SLC2A11: variants seen among roughly 807,000 people sequenced by gnomAD.
SLC2A11 encodes solute carrier family 2 member 11.
In SLC2A11, 43 loss-of-function variants were observed where a neutral mutation model predicts 52.1. That is an observed-to-expected ratio of 0.82 (90% CI 0.65 to 1.06). The LOEUF is 1.06. Among genes scored for constraint, SLC2A11 ranks in the 50% least tolerant of loss-of-function variants. SLC2A11 has a pLI of 0.00. For synonymous variants in SLC2A11, 261 were observed against 277.6 expected, an observed-to-expected ratio of 0.94 and a Z score of 0.59; for missense variants, 582 against 654.2, an observed-to-expected ratio of 0.89 and a Z score of 1.20.
chr22:23,867,126 C>T (rs770792655), intron 2 of SLC2A11: 1 of 152,268 alleles, frequency 6.6e-6, no homozygotes, highest in East Asian at 1.9e-4. Context: ...GTGGATTCCT[C>T]GGGTATGGTA....
chr22:23,858,257 A>G, intron 1 of SLC2A11: 1 of 699,434 alleles, frequency 1.4e-6, no homozygotes, highest in Non-Finnish European at 2.6e-6. Context: ...GGACCCTGGC[A>G]TCCCAGCCCC....
chr22:23,873,648 T>C (rs1568991176), intron 3 of SLC2A11, among the ~76,000 whole-genome samples: 1 of 152,132 alleles, frequency 6.6e-6, no homozygotes, highest in African/African-American at 2.4e-5. Context: ...GGTATATGAC[T>C]GTTCCAGCAA....
chr22:23,885,247 C>G lies in SLC2A11; in HGVS notation c.*398C>G, dbSNP rs898544241. 3.3e-6 allele frequency: 1 copy of G among 306,474 alleles called. No individual in the cohort carries two copies. Among genetic ancestry groups the G allele is most frequent in the African/African-American group, 2.2e-5 (1 of 46,372 alleles). The allele number at this position is 306,474 out of a possible 1,614,324, so 19.0% of individuals were successfully genotyped here. On this transcript the variant is annotated 3_prime_UTR_variant, in exon 12 of 12. Coordinates refer to ENST00000316185, the MANE Select transcript of SLC2A11 (RefSeq NM_001024939.4). ...GTATGTGCTAACAGCTCTAGCTACT[C>G]AGGAGGCTGAGGCAGCAGGATCACT...
chr22:23,870,415 T>A, intron 3 of SLC2A11: 1 of 219,226 alleles, frequency 4.6e-6, no homozygotes, highest in Middle Eastern at 1.6e-3. Context: ...GGGTTGGTTG[T>A]GTAGGGGAAC....
intron 7 of SLC2A11, 38 bp downstream of exon 7, chr22:23,882,684 G>C: frequency 6.2e-7 from 1 of 1,607,020 alleles, no homozygotes; most frequent in South Asian, 1.1e-5. Flanking sequence ...TGGGCCCCGG[G>C]GGCTTGGTGT....
At position 23,884,169 on chromosome 22, in the gene SLC2A11, G is replaced by A; in HGVS notation, c.1172-133G>A. ...ATGCCGGGGCTTCTGGGAGGGAATG[G>A]CAGGAGGAGAGCACTGAGGGGCCCC... is the stretch of plus-strand genomic sequence containing the variant. On this transcript the variant is annotated intron_variant, in intron 10 of 11. Transcript: ENST00000316185. The surrounding 1 kb of genome is among the most constrained non-coding windows in gnomAD (Gnocchi z 4.3). The A allele has an allele frequency of 6.8e-7, 1 of 1,477,372 alleles. No homozygotes were observed. Among genetic ancestry groups the A allele is most frequent in the Non-Finnish European group, 9.0e-7 (1 of 1,109,694 alleles). The allele number at this position is 1,477,372 out of a possible 1,614,324, so 91.5% of individuals were successfully genotyped here. A position where few individuals can be genotyped will look rare whatever the true frequency, so the allele number is the denominator to read the frequency against.
In SLC2A11 at chr22:23,884,857, G is replaced by C. The variant is rs2032950619; in HGVS notation, c.*8G>C. On this transcript the variant is annotated 3_prime_UTR_variant, in exon 12 of 12. Coordinates refer to ENST00000316185, the MANE Select transcript of SLC2A11 (RefSeq NM_001024939.4). This position sits in a 1 kb window ranked among gnomAD's most constrained non-coding sequence, Gnocchi z 4.3. Reference sequence around the variant, plus strand: ...CAGTCAACAGAACTCTAGTCCCAAAGGGGTGGCCAGAGCCAAAGCCAGCTA... The same window carrying C: ...CAGTCAACAGAACTCTAGTCCCAAACGGGTGGCCAGAGCCAAAGCCAGCTA... 21 of 1,613,624 alleles carry C rather than the reference G, an allele frequency of 1.3e-5. No homozygotes were observed. The highest frequency in any genetic ancestry group is 1.7e-5 in the Non-Finnish European group (20 of 1,179,682).
rs1372349433 is a variant in SLC2A11, at chr22:23,884,946, A to G, written c.*97A>G. ...CACTCCCTCCTGCATTCCTCATTTAAGGAGTGTTTATTGAGCACCCTTTGT... is the reference window on the plus strand; with the variant it reads ...CACTCCCTCCTGCATTCCTCATTTAGGGAGTGTTTATTGAGCACCCTTTGT... On this transcript the variant is annotated 3_prime_UTR_variant, in exon 12 of 12. Transcript: ENST00000316185. The surrounding 1 kb of genome is among the most constrained non-coding windows in gnomAD (Gnocchi z 4.3). 4 of 1,030,626 alleles carry G rather than the reference A, an allele frequency of 3.9e-6. No homozygotes were observed. Among genetic ancestry groups the G allele is most frequent in the Admixed American group, 2.4e-5 (1 of 41,040 alleles). 63.8% of individuals were successfully genotyped at this position (1,030,626 alleles called of 1,614,324 possible). A position where few individuals can be genotyped will look rare whatever the true frequency, so the allele number is the denominator to read the frequency against.
Position 23,882,615 on chromosome 22 carries a change from G to T in SLC2A11, c.851G>T (p.Gly284Val). 1 of 1,613,328 alleles carries T rather than the reference G, an allele frequency of 6.2e-7. No homozygotes were observed. The highest frequency in any genetic ancestry group is 1.1e-5 in the South Asian group (1 of 91,018). The stretch of plus-strand genomic sequence containing the variant: ...CAGGTGACAAGCCTCGTGGTTCTGG[G>T]CAGTGCCATGGAGCTCTGCGGGAAT... ...RRQVTSLVVLGSAMELCGNDS... is the reference protein window; with the variant it reads ...RRQVTSLVVLVSAMELCGNDS... The change falls in exon 7 of 12, where the codon GGC (glycine) becomes GTC (valine). Residue 284 changes from glycine to valine, a missense_variant. Gly to Val is a moderately radical substitution (Grantham distance 109). Coordinates refer to ENST00000316185, the MANE Select transcript of SLC2A11 (RefSeq NM_001024939.4).
chr22:23,877,145 C>A lies in SLC2A11; in HGVS notation c.519C>A (p.Ile173=). The A allele has an allele frequency of 1.2e-6, 2 of 1,612,708 alleles. No homozygotes were observed. The highest frequency in any genetic ancestry group is 1.7e-6 in the Non-Finnish European group (2 of 1,179,388). Residue 173 remains isoleucine (I), a synonymous_variant, in exon 5 of 12, where the codon ATC becomes ATA. Coordinates refer to ENST00000316185, the MANE Select transcript of SLC2A11 (RefSeq NM_001024939.4). ...CAGCCATCTTTACGGCTCTGGGGAT[C>A]GTGATGGGACAGGTGGTCGGACTCA... ...MSSAIFTALG[I]VMGQVVGLRE... is the part of the protein sequence containing the mutation.
At chr22:23,882,433 G>A in intron 6 of SLC2A11, 26 bp from the exon 7 acceptor site, 1 of 1,505,344 alleles carries the variant, frequency 6.6e-7, no homozygotes, top group South Asian at 1.3e-5. Flanking sequence ...GGGACGGGGA[G>A]CTCAGTACCC....
At chr22:23,871,479 C>T (rs1473230230) in intron 3 of SLC2A11, 1 of 151,444 alleles carries the variant, frequency 6.6e-6, no homozygotes, top group Non-Finnish European at 1.5e-5. Context: ...GTGGCTCACG[C>T]CTGTAATCCC....
chr22:23,860,815 G>A (rs1190139822), intron 1 of SLC2A11, among the ~76,000 whole-genome samples: 2 of 149,816 alleles, frequency 1.3e-5, no homozygotes, highest in Non-Finnish European at 3.0e-5. Flanking sequence ...CCGAGTAGCT[G>A]GGATTACAGA....
chr22:23,860,056 G>C (rs1243396114), intron 1 of SLC2A11, among the ~76,000 whole-genome samples: 1 of 152,184 alleles, frequency 6.6e-6, no homozygotes, highest in African/African-American at 2.4e-5. Context: ...GCCTTTGGAG[G>C]AGTGGAGAAC....
At chr22:23,882,373 A>G in intron 6 of SLC2A11, 86 bp from the exon 7 acceptor site, 1 of 1,181,572 alleles carries the variant, frequency 8.5e-7, no homozygotes, top group South Asian at 1.6e-5. Flanking sequence ...AAGGAAAGGA[A>G]TGGTGGGATG....
intron 3 of SLC2A11, chr22:23,871,900 G>A (rs1314701579): frequency 1.3e-5 from 2 of 152,270 alleles, no homozygotes; most frequent in Non-Finnish European, 2.9e-5. Context: ...CAGTGATGGA[G>A]TGCTGCAGGG....
In SLC2A11 at chr22:23,862,091, C is replaced by T. The variant is rs143726495; in HGVS notation, c.31-13C>T. On this transcript the variant is annotated splice_polypyrimidine_tract_variant and intron_variant, in intron 1 of 11. Coordinates refer to ENST00000316185, the MANE Select transcript of SLC2A11 (RefSeq NM_001024939.4). Reference sequence around the variant, plus strand: ...TGTTGTTGGTCACTCTGTGTTCTCTCCTCTCTCCTCAGATTCAGGGCAGGA... The same window carrying T: ...TGTTGTTGGTCACTCTGTGTTCTCTTCTCTCTCCTCAGATTCAGGGCAGGA... The T allele has an allele frequency of 9.2e-4, 1,483 of 1,612,576 alleles. 14 individuals are homozygous for T. The East Asian group carries it at 0.013, about 14-fold the overall frequency.
intron 6 of SLC2A11, chr22:23,881,975 C>CAG (rs1283280417): frequency 6.2e-5 from 10 of 161,132 alleles, no homozygotes; most frequent in South Asian, 1.2e-4. Context: ...CACACACACA[C>CAG]AGAGACAGAG....
chr22:23,857,618 G>C, upstream of SLC2A11: 1 of 1,231,700 alleles, frequency 8.1e-7, no homozygotes, highest in South Asian at 1.3e-5. Flanking sequence ...ACACGCTGGG[G>C]CGAACTCCCC....
Sources: gnomAD v4.1 joint callset for allele counts (sites outside exome capture counted in the v4.1 genomes callset) on GRCh38, gnomAD v4.1.1 for gene constraint, Gnocchi (gnomAD v3.1) non-coding constraint, MANE v1.5 for transcripts, NCBI Gene and HGNC (gene_info 2026-07-23, HGNC 2026-07-21) for gene names.